The following BNC2 variants were observed in gnomAD, a reference collection of about 807,000 sequenced individuals.
BNC2 encodes zinc finger protein basonuclin-2.
In BNC2, 20 loss-of-function variants were observed where a neutral mutation model predicts 76.3. That is an observed-to-expected ratio of 0.26 (90% CI 0.18 to 0.38). The LOEUF is 0.38. Among genes scored for constraint, BNC2 ranks in the 10% least tolerant of loss-of-function variants. The probability of loss-of-function intolerance (pLI) is 1.00; values close to 1 mark genes in which losing one functional copy is unlikely to be tolerated. For missense variants in BNC2, 1,382 were observed against 1,399.8 expected (o/e 0.99, Z 0.20); for synonymous variants, 582 against 514.8 (o/e 1.13, Z -1.77).
intron 5 of BNC2, among the ~76,000 whole-genome samples, chr9:16,442,672 C>T (rs966901926): frequency 6.6e-6 from 1 of 152,124 alleles, no homozygotes; most frequent in Non-Finnish European, 1.5e-5. Context: ...AAGGAGCCCA[C>T]CTGTGTTCAT....
chr9:16,443,444 G>A (rs1821169918), intron 5 of BNC2, among the ~76,000 whole-genome samples: 1 of 152,074 alleles, frequency 6.6e-6, no homozygotes, highest in Admixed American at 6.5e-5. Flanking sequence ...ATCAAAGCAA[G>A]AGAAACAGAT....
At chr9:16,826,842 G>C (rs540209434) in intron 1 of BNC2, among the ~76,000 whole-genome samples, 11 of 152,114 alleles carry the variant, frequency 7.2e-5, no homozygotes, top group Admixed American at 2.6e-4. Context: ...ATGGATGATC[G>C]ATGGATGGAT....
chr9:16,722,320 C>G (rs538162309), intron 3 of BNC2, among the ~76,000 whole-genome samples: 1 of 152,156 alleles, frequency 6.6e-6, no homozygotes, highest in Non-Finnish European at 1.5e-5. Flanking sequence ...GAGGATTTGC[C>G]GTGGCTCTTA....
At chr9:16,475,262 CATCTGTGTTCACCTGT>C (rs1299619832) in intron 5 of BNC2, among the ~76,000 whole-genome samples, 1 of 152,028 alleles carries the variant, frequency 6.6e-6, no homozygotes, top group Admixed American at 6.6e-5. Context: ...CTTGTGAACA[CATCTGTGTTCACCTGT>C]ACACATTATA....
At chr9:16,716,278 A>T (rs1431070787) in intron 3 of BNC2, among the ~76,000 whole-genome samples, 1 of 152,200 alleles carries the variant, frequency 6.6e-6, no homozygotes, top group Non-Finnish European at 1.5e-5. Context: ...TTATCACAGC[A>T]AATATTCATC....
chr9:16,786,232 T>A lies in BNC2; in HGVS notation c.4-47747A>T, dbSNP rs575058672. ...TTACCTGGGGAAATTTGCTTTCTCT[T>A]AACTAAACAAGGAGTCTTTTCAGGT... On this transcript the variant is annotated intron_variant, in intron 1 of 6. Transcript: ENST00000380672. Among the ~76,000 whole-genome samples the A allele has an allele frequency of 5.7e-4, 87 of 152,316 alleles. 1 individual carries two copies. In the South Asian group the frequency reaches 0.014, roughly 25 times the overall value.
chr9:16,638,860 G>C (rs927577018), intron 3 of BNC2, among the ~76,000 whole-genome samples: 10 of 152,190 alleles, frequency 6.6e-5, no homozygotes, highest in South Asian at 2.1e-4. Context: ...CCACTGGATA[G>C]GATTTATGAT....
chr9:16,811,739 C>T (rs1299784220), intron 1 of BNC2, among the ~76,000 whole-genome samples: 3 of 152,210 alleles, frequency 2.0e-5, no homozygotes, highest in Middle Eastern at 3.4e-3. Context: ...ACTCCAAAAA[C>T]GCATTTGCCA....
At chr9:16,592,523 GTGGGGGATGAGGCT>G (rs1563854005) in intron 3 of BNC2, among the ~76,000 whole-genome samples, 2 of 152,148 alleles carry the variant, frequency 1.3e-5, no homozygotes, top group Non-Finnish European at 2.9e-5. Context: ...TGGCTGCCTT[GTGGGGGATGAGGCT>G]TAGGGTGACA....
intron 1 of BNC2, among the ~76,000 whole-genome samples, chr9:16,771,728 T>G (rs994255578): frequency 6.6e-6 from 1 of 152,240 alleles, no homozygotes; most frequent in African/African-American, 2.4e-5. Flanking sequence ...TTTTTTCTCA[T>G]AAAAGAATGT....
chr9:16,632,777 T>C (rs533125753), intron 3 of BNC2, among the ~76,000 whole-genome samples: 12 of 152,304 alleles, frequency 7.9e-5, no homozygotes, highest in African/African-American at 2.6e-4. Context: ...TGCAAGAGTG[T>C]GATGCAAATT....
At chr9:16,557,923 G>A (rs1057120157) in intron 4 of BNC2, among the ~76,000 whole-genome samples, 1 of 151,744 alleles carries the variant, frequency 6.6e-6, no homozygotes, top group Non-Finnish European at 1.5e-5. Flanking sequence ...TGCAGTGGCA[G>A]GATCGCGGCT....
At chr9:16,820,803 G>C (rs1322989859) in intron 1 of BNC2, among the ~76,000 whole-genome samples, 3 of 149,728 alleles carry the variant, frequency 2.0e-5, no homozygotes, top group Admixed American at 1.3e-4. Flanking sequence ...AGTGTATAAA[G>C]GGAAAAAAAA....
chr9:16,424,211 G>C (rs537474964), intron 6 of BNC2, among the ~76,000 whole-genome samples: 1 of 149,784 alleles, frequency 6.7e-6, no homozygotes, highest in African/African-American at 2.5e-5. Flanking sequence ...ACTATCTAAA[G>C]AAAGTGTTTT....
At chr9:16,775,607 G>T in intron 1 of BNC2, 1 of 179,440 alleles carries the variant, frequency 5.6e-6, no homozygotes, top group Middle Eastern at 1.4e-3. Context: ...TCAAGGAATG[G>T]AAAGACCTTG....
At chr9:16,791,639 A>C (rs896390533) in intron 1 of BNC2, among the ~76,000 whole-genome samples, 3 of 152,194 alleles carry the variant, frequency 2.0e-5, no homozygotes, top group Non-Finnish European at 4.4e-5. Flanking sequence ...GTCAACTATA[A>C]CAGATGAGAG....
intron 3 of BNC2, among the ~76,000 whole-genome samples, chr9:16,635,237 T>C (rs757965610): frequency 3.9e-5 from 6 of 152,182 alleles, no homozygotes; most frequent in African/African-American, 2.4e-5. Flanking sequence ...ACAAGATAAC[T>C]AGACTCTTTA....
At chr9:16,862,899 A>G (rs748200085) in intron 1 of BNC2, among the ~76,000 whole-genome samples, 1 of 137,874 alleles carries the variant, frequency 7.3e-6, no homozygotes, top group Non-Finnish European at 1.5e-5. Context: ...ATCTATATAT[A>G]GCTATATATA....
chr9:16,507,739 C>A (rs7849139), intron 5 of BNC2, among the ~76,000 whole-genome samples: 31,973 of 152,030 alleles, frequency 0.21, 7,194 homozygotes, highest in African/African-American at 0.56. Flanking sequence ...TTTCCTTCTT[C>A]TACGCTTCCA....
Sources: allele counts gnomAD v4.1 joint callset (sites outside exome capture counted in the v4.1 genomes callset), GRCh38; gene constraint gnomAD v4.1.1; transcripts MANE v1.5; gene names NCBI Gene and HGNC (gene_info 2026-07-23, HGNC 2026-07-21).